FAM20A: variants seen among roughly 807,000 people sequenced by gnomAD.
FAM20A encodes pseudokinase FAM20A.
Under a neutral mutation model 52.0 loss-of-function variants are expected in FAM20A, and 42 were observed. That is an observed-to-expected ratio of 0.81 (90% CI 0.63 to 1.04). The LOEUF is 1.04. FAM20A is among the 50% of genes least tolerant of loss of function. FAM20A has a pLI of 0.00. For synonymous variants in FAM20A, 304 were observed against 298.9 expected, an observed-to-expected ratio of 1.02 and a Z score of -0.18; for missense variants, 742 against 712.7, an observed-to-expected ratio of 1.04 and a Z score of -0.47.
intron 1 of FAM20A, among the ~76,000 whole-genome samples, chr17:68,560,703 G>A (rs2087190080): frequency 6.6e-6 from 1 of 152,172 alleles, no homozygotes; most frequent in African/African-American, 2.4e-5. Context: ...TCTTATAAGT[G>A]TTGTTGATGG....
rs2086431037 is a variant in FAM20A, at chr17:68,543,945, G to A, written c.720-224C>T. Among the ~76,000 whole-genome samples the A allele has an allele frequency of 1.3e-5, 2 of 152,186 alleles. 1 individual carries two copies. The highest frequency in any genetic ancestry group is 4.1e-4 in the South Asian group (2 of 4,832). On this transcript the variant is annotated intron_variant, in intron 4 of 10. Transcript: ENST00000592554. ...CTTCTTGCAAGACACTGTCCTGCAGGCACCACCAATACCAAGTTTCCTGCT... is the reference window on the plus strand; with the variant it reads ...CTTCTTGCAAGACACTGTCCTGCAGACACCACCAATACCAAGTTTCCTGCT...
At chr17:68,565,383 C>CTTT (rs796800181) in intron 1 of FAM20A, among the ~76,000 whole-genome samples, 24 of 103,792 alleles carry the variant, frequency 2.3e-4, no homozygotes, top group African/African-American at 7.0e-4. Flanking sequence ...CCATTACCTC[C>CTTT]TTTTTTTTTT....
rs2086074460 is a variant in FAM20A at position 68,535,522 on chromosome 17, C to T, written c.*1955G>A. The T allele has an allele frequency of 2.2e-6, 1 of 453,858 alleles. No individual in the cohort carries two copies. The highest frequency in any genetic ancestry group is 4.4e-6 in the Non-Finnish European group (1 of 226,774). 28.1% of individuals were successfully genotyped at this position (453,858 alleles called of 1,614,324 possible). On this transcript the variant is annotated 3_prime_UTR_variant, in exon 11 of 11. Transcript: ENST00000592554. ...ATTTTCCCATTTCTGTGTGTGATCT[C>T]CTGGTTCTTCATCCACAGGGAAGAA...
intron 1 of FAM20A, among the ~76,000 whole-genome samples, chr17:68,579,431 A>G (rs1163219675): frequency 6.6e-6 from 1 of 152,154 alleles, no homozygotes; most frequent in Non-Finnish European, 1.5e-5. Context: ...GTGATGACTC[A>G]GACTAAATTT....
In FAM20A at chr17:68,552,838, C is replaced by T. The variant is rs945927447; in HGVS notation, c.641-887G>A. The stretch of plus-strand genomic sequence containing the variant: ...CTGGGACTACAGGCGCCCGCCACCG[C>T]GCCCGGCTAATTTTTTGTATTTTTA... On this transcript the variant is annotated intron_variant, in intron 3 of 10. Transcript: ENST00000592554. Among the ~76,000 whole-genome samples, 8 of 138,606 alleles carry T rather than the reference C, an allele frequency of 5.8e-5. 1 individual carries two copies. Among genetic ancestry groups the T allele is most frequent in the East Asian group, 2.0e-4 (1 of 4,962 alleles). 90.9% of individuals were successfully genotyped at this position (138,606 alleles called of 152,430 possible).
chr17:68,547,270 T>C (rs1007349709), intron 4 of FAM20A, among the ~76,000 whole-genome samples: 1 of 152,166 alleles, frequency 6.6e-6, no homozygotes, highest in African/African-American at 2.4e-5. Context: ...TTATCATTAT[T>C]ATTATTATTT....
chr17:68,553,929 C>T (rs2086958480), intron 3 of FAM20A, among the ~76,000 whole-genome samples: 1 of 134,838 alleles, frequency 7.4e-6, no homozygotes. Context: ...CACATATATG[C>T]ATATATACAT....
chr17:68,539,684 GCT>G (rs1373891303), intron 9 of FAM20A, among the ~76,000 whole-genome samples, 199 bp downstream of exon 9: 1 of 152,266 alleles, frequency 6.6e-6, no homozygotes, highest in Non-Finnish European at 1.5e-5. Flanking sequence ...GCACACGAGT[GCT>G]CTCAGGCTGG....
At chr17:68,546,373 C>A (rs917196811) in intron 4 of FAM20A, among the ~76,000 whole-genome samples, 2 of 151,932 alleles carry the variant, frequency 1.3e-5, no homozygotes, top group Non-Finnish European at 2.9e-5. Context: ...CTTTTAAACT[C>A]CTGTTAATGT....
intron 1 of FAM20A, among the ~76,000 whole-genome samples, chr17:68,571,925 C>G (rs925159388): frequency 1.4e-5 from 2 of 139,602 alleles, no homozygotes; most frequent in African/African-American, 5.3e-5. Context: ...TCTGAGATAT[C>G]AAACTTATGT....
At chr17:68,552,076 G>A (rs1346327783) in intron 3 of FAM20A, 125 bp from the exon 4 acceptor site, 2 of 698,010 alleles carry the variant, frequency 2.9e-6, no homozygotes, top group Non-Finnish European at 5.2e-6. Flanking sequence ...TAAAGACTAG[G>A]ATGTGCTCTC....
chr17:68,546,825 G>A (rs966651101), intron 4 of FAM20A, among the ~76,000 whole-genome samples: 7 of 124,712 alleles, frequency 5.6e-5, no homozygotes, highest in African/African-American at 1.4e-4. Context: ...GCGAGACTAC[G>A]GCTCAAAAAA....
intron 5 of FAM20A, 41 bp from the exon 6 acceptor site, chr17:68,542,850 G>C (rs779434953): frequency 1.9e-5 from 29 of 1,490,748 alleles, no homozygotes; most frequent in Non-Finnish European, 2.7e-5. Context: ...GGGATGATCA[G>C]GGAGTGAGGA....
intron 10 of FAM20A, among the ~76,000 whole-genome samples, chr17:68,538,971 A>G (rs1324010073): frequency 1.3e-5 from 2 of 152,240 alleles, no homozygotes; most frequent in Admixed American, 6.5e-5. Flanking sequence ...GAGTGTACTC[A>G]CACAAACCTA....
rs1453861132 is a variant in FAM20A, at chr17:68,595,423, G to A, written c.404+4840C>T. Among the ~76,000 whole-genome samples the A allele has an allele frequency of 2.6e-5, 4 of 152,194 alleles. No homozygotes were observed. The South Asian group carries it at 8.3e-4, about 31-fold the overall frequency. ...CCCTCTCAGAAACCATCTGCTTGAA[G>A]CTTTTGATTCTGAGAGGAGTGGAGA... On this transcript the variant is annotated intron_variant, in intron 1 of 10. Coordinates refer to ENST00000592554, the MANE Select transcript of FAM20A (RefSeq NM_017565.4).
At chr17:68,551,836 C>T in intron 4 of FAM20A, 37 bp downstream of exon 4, 7 of 1,502,120 alleles carry the variant, frequency 4.7e-6, no homozygotes, top group African/African-American at 1.4e-5. Flanking sequence ...CAGGGCCACC[C>T]CAACTGGGTG....
At chr17:68,548,734 T>TA (rs2086688778) in intron 4 of FAM20A, among the ~76,000 whole-genome samples, 1 of 140,276 alleles carries the variant, frequency 7.1e-6, no homozygotes, top group Non-Finnish European at 1.6e-5. Flanking sequence ...TATTTTTTTT[T>TA]TTTTTTTTTT....
intron 1 of FAM20A, among the ~76,000 whole-genome samples, chr17:68,578,142 A>C (rs893753571): frequency 5.3e-5 from 8 of 152,194 alleles, no homozygotes; most frequent in African/African-American, 1.9e-4. Context: ...AACCAAGACA[A>C]AGCAGGAGCT....
chr17:68,591,017 C>T (rs2088289593), intron 1 of FAM20A, among the ~76,000 whole-genome samples: 1 of 152,050 alleles, frequency 6.6e-6, no homozygotes. Flanking sequence ...GGTACATGGG[C>T]CACAGGAAGG....
Sources: allele counts gnomAD v4.1 joint callset (sites outside exome capture counted in the v4.1 genomes callset), GRCh38; gene constraint gnomAD v4.1.1; transcripts MANE v1.5; gene names NCBI Gene and HGNC (gene_info 2026-07-23, HGNC 2026-07-21).